Variants in SLC35F2 observed in about 807,000 individuals in gnomAD.
SLC35F2 encodes solute carrier family 35 member F2, also known as queuine/queuosine transporter SLC35F2.
A neutral mutation model predicts 38.1 loss-of-function variants in SLC35F2; 25 were observed. The ratio of observed to expected loss-of-function variants is 0.66; its 90% CI spans 0.48 to 0.92. SLC35F2 has a LOEUF of 0.92. SLC35F2 is among the 40% of genes least tolerant of loss of function. The pLI is 0.00. For missense variants in SLC35F2, 409 were observed against 452.9 expected (o/e 0.90, Z 0.88); for synonymous variants, 173 against 181.7 (o/e 0.95, Z 0.38).
At chr11:107,827,609 C>T (rs376617056) in intron 1 of SLC35F2, among the ~76,000 whole-genome samples, 293 of 152,232 alleles carry the variant, frequency 1.9e-3, no homozygotes, top group African/African-American at 6.5e-3. Context: ...ATCAGCCGGG[C>T]ATGGTGGCAT....
chr11:107,848,238 TAAA>T (rs975557670), intron 1 of SLC35F2, among the ~76,000 whole-genome samples: 1 of 151,748 alleles, frequency 6.6e-6, no homozygotes, highest in African/African-American at 2.4e-5. Flanking sequence ...AAAGAAAACT[TAAA>T]AAAAGTATTA....
intron 3 of SLC35F2, among the ~76,000 whole-genome samples, chr11:107,807,292 AC>A (rs141307369): frequency 0.42 from 46,287 of 111,456 alleles, 10,018 homozygotes; most frequent in Non-Finnish European, 0.47. Flanking sequence ...AAAAACAACA[AC>A]AAAAAAAAAC....
chr11:107,800,555 C>T (rs1859290832), intron 7 of SLC35F2, among the ~76,000 whole-genome samples: 2 of 152,302 alleles, frequency 1.3e-5, no homozygotes, highest in South Asian at 4.1e-4. Context: ...AAATAGGAAG[C>T]AGGTCAACAA....
intron 2 of SLC35F2, among the ~76,000 whole-genome samples, chr11:107,814,739 G>T (rs894966882): frequency 2.0e-5 from 3 of 152,128 alleles, no homozygotes; most frequent in African/African-American, 7.2e-5. Flanking sequence ...AAGGTGGGAG[G>T]ACTACTTGAG....
Position 107,792,815 on chromosome 11 carries a change from C to A in SLC35F2, c.940-15G>T, listed in dbSNP as rs769902703. The A allele has an allele frequency of 6.5e-7, 1 of 1,547,266 alleles. No homozygotes were observed. The highest frequency in any genetic ancestry group is 2.4e-5 in the East Asian group (1 of 41,626). On this transcript the variant is annotated splice_polypyrimidine_tract_variant and intron_variant, in intron 7 of 7. Transcript: ENST00000525815. Reference sequence around the variant, plus strand: ...AGTCCTGAAAACTAGAAGGGAAGAACAGGCAGTGAATTGTGCCCCTCACAT... The same window carrying A: ...AGTCCTGAAAACTAGAAGGGAAGAAAAGGCAGTGAATTGTGCCCCTCACAT...
Position 107,847,865 on chromosome 11 carries a change from A to C in SLC35F2, c.110+10793T>G, listed in dbSNP as rs147386825. On this transcript the variant is annotated intron_variant, in intron 1 of 7. Transcript: ENST00000525815. Reference sequence around the variant, plus strand: ...CTCTGAACCAAGTGCCAAGTGAGAGAGGGACATTCTGGGAGGTGAGCCTGG... The same window carrying C: ...CTCTGAACCAAGTGCCAAGTGAGAGCGGGACATTCTGGGAGGTGAGCCTGG... Among the ~76,000 whole-genome samples the C allele has an allele frequency of 1.7e-3, 264 of 152,308 alleles. 1 individual carries two copies. The highest frequency in any genetic ancestry group is 2.9e-3 in the Non-Finnish European group (196 of 68,028).
intron 7 of SLC35F2, among the ~76,000 whole-genome samples, chr11:107,795,931 C>T (rs1460597278): frequency 1.3e-5 from 2 of 152,110 alleles, no homozygotes; most frequent in African/African-American, 2.4e-5. Flanking sequence ...GTCAAGAGTT[C>T]GAGACCAGCC....
chr11:107,820,086 T>C (rs1200075007), intron 1 of SLC35F2, among the ~76,000 whole-genome samples: 2 of 151,526 alleles, frequency 1.3e-5, no homozygotes, highest in Non-Finnish European at 2.9e-5. Context: ...TGAAACCCAG[T>C]CTCTACTAAA....
chr11:107,821,345 A>G, intron 1 of SLC35F2: 5 of 918,638 alleles, frequency 5.4e-6, no homozygotes, highest in Non-Finnish European at 5.2e-6. Context: ...AAAAAAGGAG[A>G]GTCACAAATT....
At chr11:107,832,289 G>A (rs1327324049) in intron 1 of SLC35F2, among the ~76,000 whole-genome samples, 1 of 152,110 alleles carries the variant, frequency 6.6e-6, no homozygotes, top group Non-Finnish European at 1.5e-5. Flanking sequence ...TTAGTTCCCG[G>A]AACTGGTTTA....
intron 1 of SLC35F2, among the ~76,000 whole-genome samples, chr11:107,828,508 A>G (rs1052229929): frequency 6.6e-6 from 1 of 152,142 alleles, no homozygotes; most frequent in Non-Finnish European, 1.5e-5. Flanking sequence ...GTGCTAGGGA[A>G]TGAACTTACT....
At chr11:107,848,080 G>A (rs1395326671) in intron 1 of SLC35F2, among the ~76,000 whole-genome samples, 1 of 152,170 alleles carries the variant, frequency 6.6e-6, no homozygotes, top group African/African-American at 2.4e-5. Flanking sequence ...TATTTGAAAT[G>A]TGCAGAGTTT....
intron 4 of SLC35F2, 133 bp from the exon 5 acceptor site, chr11:107,805,648 A>G (rs988667119): frequency 1.4e-6 from 2 of 1,451,182 alleles, no homozygotes; most frequent in African/African-American, 1.4e-5. Flanking sequence ...CTAGAAGTTT[A>G]TGTGTGAGAG....
intron 3 of SLC35F2, chr11:107,809,594 T>C (rs962064311): frequency 2.8e-6 from 2 of 720,356 alleles, no homozygotes; most frequent in African/African-American, 1.9e-5. Flanking sequence ...ATCATGCCAT[T>C]GTACTCCAGC....
At chr11:107,821,048 T>C (rs1031757812) in intron 1 of SLC35F2, among the ~76,000 whole-genome samples, 10 of 152,136 alleles carry the variant, frequency 6.6e-5, no homozygotes, top group Admixed American at 5.2e-4. Context: ...CTCCTCCCAG[T>C]AGTCACACTG....
At chr11:107,810,251 GT>G (rs1859461369) in intron 3 of SLC35F2, 1 of 985,312 alleles carries the variant, frequency 1.0e-6, no homozygotes, top group Non-Finnish European at 1.2e-6. Flanking sequence ...AAATGCTTAG[GT>G]TTTTCTAAGA....
chr11:107,825,661 C>T (rs182247963), intron 1 of SLC35F2, among the ~76,000 whole-genome samples: 41 of 152,020 alleles, frequency 2.7e-4, no homozygotes, highest in Admixed American at 1.4e-3. Context: ...TGAGCCACCG[C>T]GCCCGACCTG....
intron 7 of SLC35F2, among the ~76,000 whole-genome samples, chr11:107,797,159 TATAA>T (rs1415362080): frequency 6.6e-6 from 1 of 152,074 alleles, no homozygotes; most frequent in East Asian, 1.9e-4. Context: ...CATAAATATG[TATAA>T]ATATTTGTAT....
At chr11:107,845,212 G>A (rs1296075659) in intron 1 of SLC35F2, among the ~76,000 whole-genome samples, 3 of 152,166 alleles carry the variant, frequency 2.0e-5, no homozygotes, top group African/African-American at 7.2e-5. Context: ...CACCCATGCA[G>A]CACAACACCA....
Sources: gnomAD v4.1 joint callset for allele counts (sites outside exome capture counted in the v4.1 genomes callset) on GRCh38, gnomAD v4.1.1 for gene constraint, MANE v1.5 for transcripts, NCBI Gene and HGNC (gene_info 2026-07-23, HGNC 2026-07-21) for gene names.